CFAP46: variants seen among roughly 807,000 people sequenced by gnomAD.
The protein encoded by CFAP46 is cilia- and flagella-associated protein 46.
CFAP46 carries 245 observed loss-of-function variants against 325.7 expected under a neutral mutation model. The observed-to-expected ratio is 0.75, with a 90% CI of 0.68 to 0.84. The LOEUF (loss-of-function observed/expected upper bound fraction) is 0.84, where lower values mean the gene tolerates loss of function less well. Among genes scored for constraint, CFAP46 ranks in the 40% least tolerant of loss-of-function variants. The pLI, the probability that CFAP46 is intolerant of heterozygous loss-of-function variation, is 0.00. For synonymous variants in CFAP46, 1,523 were observed against 1,495.9 expected (o/e 1.02, Z -0.42); for missense variants, 3,346 against 3,543.0 (o/e 0.94, Z 1.41).
intron 50 of CFAP46, among the ~76,000 whole-genome samples, chr10:132,829,098 AAAC>A (rs1295119028): frequency 6.7e-4 from 101 of 150,572 alleles, no homozygotes; most frequent in African/African-American, 1.9e-3. Flanking sequence ...AAAAAAAAAA[AAAC>A]ATCCTGTGGA....
intron 28 of CFAP46, among the ~76,000 whole-genome samples, chr10:132,880,274 C>A (rs924228535): frequency 6.6e-6 from 1 of 152,356 alleles, no homozygotes; most frequent in South Asian, 2.1e-4. Context: ...GATGCCCAGG[C>A]ACTGGCAGTG....
chr10:132,920,333 A>G (rs1033066145), intron 13 of CFAP46, among the ~76,000 whole-genome samples, 151 bp from the exon 14 acceptor site: 1 of 152,154 alleles, frequency 6.6e-6, no homozygotes, highest in Non-Finnish European at 1.5e-5. Context: ...CCAGAAGCCG[A>G]GCTCCTCACA....
At chr10:132,825,865 A>G (rs948905385) in intron 50 of CFAP46, among the ~76,000 whole-genome samples, 1 of 152,066 alleles carries the variant, frequency 6.6e-6, no homozygotes, top group Non-Finnish European at 1.5e-5. Context: ...AAGGGCTGGG[A>G]CTCCCGGGCA....
intron 50 of CFAP46, among the ~76,000 whole-genome samples, chr10:132,829,083 C>CA (rs58493058): frequency 0.062 from 7,379 of 118,426 alleles, 170 homozygotes; most frequent in Middle Eastern, 0.12. Context: ...TTAACTTCTA[C>CA]AAAAAAAAAA....
chr10:132,885,832 C>T lies in CFAP46; in HGVS notation c.3432G>A (p.Thr1144=), dbSNP rs906379933. 1.3e-5 allele frequency: 19 copies of T among 1,512,664 alleles called. No individual in the cohort carries two copies. The highest frequency in any genetic ancestry group is 7.6e-5 in the East Asian group (3 of 39,654). The allele number at this position is 1,512,664 out of a possible 1,614,324, so 93.7% of individuals were successfully genotyped here. Residue 1144 remains threonine (T), a synonymous_variant, in exon 26 of 58, where the codon ACG becomes ACA. Coordinates refer to ENST00000368586, the MANE Select transcript of CFAP46 (RefSeq NM_001200049.3). The part of the protein sequence containing the change: ...LDEAVQVLPR[T]AHRLLIFKHM... ...GGGGGAGCACTCACAGGCGGTGGGC[C>T]GTCCTTGGCAGCACCTGCACAGCCT... is the stretch of plus-strand genomic sequence containing the variant.
rs1848687214 is a variant in CFAP46 at position 132,858,986 on chromosome 10, A to AGGCCC, written c.5375+80_5375+84dup. ...CGCGGGGGTGCAGCCGGGGTGAGCC[A>AGGCCC]GGCCCAGAAGGCAGGATGGCGCTGG... On this transcript the variant is annotated intron_variant, in intron 38 of 57. Transcript: ENST00000368586. The AGGCCC allele has an allele frequency of 2.1e-6, 3 of 1,415,964 alleles. No individual in the cohort carries two copies. In the Admixed American group the frequency reaches 6.5e-5, roughly 31 times the overall value. The allele number at this position is 1,415,964 out of a possible 1,614,324, so 87.7% of individuals were successfully genotyped here. A position where few individuals can be genotyped will look rare whatever the true frequency, so the allele number is the denominator to read the frequency against.
chr10:132,917,568 C>T (rs1004616341), intron 16 of CFAP46, among the ~76,000 whole-genome samples: 1 of 152,218 alleles, frequency 6.6e-6, no homozygotes, highest in African/African-American at 2.4e-5. Context: ...GGTACCATCT[C>T]CCCACCGAGT....
Position 132,843,675 on chromosome 10 carries a change from G to A in CFAP46, c.6438+2382C>T, listed in dbSNP as rs182545453. Among the ~76,000 whole-genome samples the A allele has an allele frequency of 3.8e-3, 517 of 137,238 alleles. 4 individuals are homozygous for A. The highest frequency in any genetic ancestry group is 0.014 in the African/African-American group (488 of 35,870). 90.0% of individuals were successfully genotyped at this position (137,238 alleles called of 152,430 possible). A position where few individuals can be genotyped will look rare whatever the true frequency, so the allele number is the denominator to read the frequency against. ...CTCTGGTCTCGGTGGGCGTTCCCAG[G>A]GTGCTGTGGGGCTGCTGCTGGTGGG... On this transcript the variant is annotated intron_variant, in intron 44 of 57. Transcript: ENST00000368586.
In CFAP46 at chr10:132,832,689, A is replaced by G; in HGVS notation, c.7117+669T>C. 1 of 452,382 alleles carries G rather than the reference A, an allele frequency of 2.2e-6. No individual in the cohort carries two copies. The highest frequency in any genetic ancestry group is 4.7e-6 in the Non-Finnish European group (1 of 211,652). The allele number at this position is 452,382 out of a possible 1,614,324, so 28.0% of individuals were successfully genotyped here. A position where few individuals can be genotyped will look rare whatever the true frequency, so the allele number is the denominator to read the frequency against. The stretch of plus-strand genomic sequence containing the variant: ...GTACCGCAAGGGTAGCGCTCGGGGA[A>G]GCTTCACAACCGGGGCACGTCTGCA... On this transcript the variant is annotated intron_variant, in intron 50 of 57. Transcript: ENST00000368586. The surrounding 1 kb of genome is among the most constrained non-coding windows in gnomAD (Gnocchi z 4.1).
chr10:132,811,492 C>G (rs1300339138), intron 55 of CFAP46, among the ~76,000 whole-genome samples: 1 of 152,196 alleles, frequency 6.6e-6, no homozygotes, highest in Non-Finnish European at 1.5e-5. Context: ...GGAGACATGG[C>G]AGGCTCCTGG....
intron 17 of CFAP46, 71 bp from the exon 18 acceptor site, chr10:132,913,329 C>T (rs1479736357): frequency 7.4e-5 from 62 of 839,574 alleles, no homozygotes; most frequent in Middle Eastern, 2.6e-4. Context: ...AGGAAGGCTG[C>T]GGGGCCTGTT....
rs1344373460 is a variant in CFAP46 at position 132,827,363 on chromosome 10, A to C, written c.7117+5995T>G. 6.6e-6 allele frequency among the ~76,000 whole-genome samples: 1 copy of C among 152,142 alleles called. No individual in the cohort carries two copies. The highest frequency in any genetic ancestry group is 1.5e-5 in the Non-Finnish European group (1 of 68,036). ...CTGCTGTGGGAGCTCCTGGGCCTGG[A>C]GGAGCCTCCCTGGGACACGGTGCCT... is the stretch of plus-strand genomic sequence containing the variant. On this transcript the variant is annotated intron_variant, in intron 50 of 57. Transcript: ENST00000368586. The surrounding 1 kb of genome is among the most constrained non-coding windows in gnomAD (Gnocchi z 5.7).
At position 132,832,686 on chromosome 10, in the gene CFAP46, G is replaced by C; in HGVS notation, c.7117+672C>G. On this transcript the variant is annotated intron_variant, in intron 50 of 57. Transcript: ENST00000368586. This position sits in a 1 kb window ranked among gnomAD's most constrained non-coding sequence, Gnocchi z 4.1. ...CACGTACCGCAAGGGTAGCGCTCGG[G>C]GAAGCTTCACAACCGGGGCACGTCT... is the stretch of plus-strand genomic sequence containing the variant. 2.2e-6 allele frequency: 1 copy of C among 450,528 alleles called. No homozygotes were observed. The highest frequency in any genetic ancestry group is 4.8e-6 in the Non-Finnish European group (1 of 210,460). The allele number at this position is 450,528 out of a possible 1,614,324, so 27.9% of individuals were successfully genotyped here.
chr10:132,913,116 C>T lies in CFAP46; in HGVS notation c.2263G>A (p.Gly755Arg), dbSNP rs534574181. The change falls in exon 18 of 58, where the codon GGG becomes AGG. Residue 755 changes from glycine to arginine, a missense_variant. Physicochemically the swap from Gly to Arg is moderately radical, Grantham distance 125. Transcript: ENST00000368586. ...GCGTCCACCAGCTCCTTCTGCCGCC[C>T]GGCCAGGATCAGGTGGTGGTTGTGG... is the stretch of plus-strand genomic sequence containing the variant. ...LNHNHHLILA[G>R]RQKELVDALY... 492 of 1,550,424 alleles carry T rather than the reference C, an allele frequency of 3.2e-4. 1 individual carries two copies. In the Admixed American group the frequency reaches 5.8e-3, roughly 18 times the overall value.
At chr10:132,925,147 G>A (rs1021350467) in intron 10 of CFAP46, among the ~76,000 whole-genome samples, 1 of 151,994 alleles carries the variant, frequency 6.6e-6, no homozygotes, top group African/African-American at 2.4e-5. Flanking sequence ...TGGACTCAGC[G>A]GGCGCTGCTC....
intron 27 of CFAP46, among the ~76,000 whole-genome samples, chr10:132,882,995 A>AT: frequency 6.6e-6 from 1 of 152,308 alleles, no homozygotes; most frequent in Middle Eastern, 3.4e-3. Context: ...ACTCATTAAC[A>AT]TAACAGCTAC....
intron 44 of CFAP46, 26 bp downstream of exon 44, chr10:132,846,031 G>T (rs757994669): frequency 9.4e-6 from 15 of 1,590,906 alleles, no homozygotes; most frequent in East Asian, 2.2e-5. Context: ...CTGGGGGCAG[G>T]TTCAGCGGCA....
chr10:132,856,178 G>T (rs114431331), intron 39 of CFAP46, among the ~76,000 whole-genome samples: 2,703 of 152,330 alleles, frequency 0.018, 89 homozygotes, highest in African/African-American at 0.062. Context: ...CACTGCTTCT[G>T]CAGGAAGCTG....
At chr10:132,823,436 C>T (rs1847937278) in intron 50 of CFAP46, among the ~76,000 whole-genome samples, 1 of 123,844 alleles carries the variant, frequency 8.1e-6, no homozygotes, top group African/African-American at 3.2e-5. Flanking sequence ...CTGATGTGTG[C>T]TGTGTGTGCT....
Sources: allele counts gnomAD v4.1 joint callset (sites outside exome capture counted in the v4.1 genomes callset), GRCh38; gene constraint gnomAD v4.1.1; non-coding constraint Gnocchi (gnomAD v3.1); transcripts MANE v1.5; gene names NCBI Gene and HGNC (gene_info 2026-07-23, HGNC 2026-07-21).